The following PRKCQ variants were observed in gnomAD, a reference collection of about 807,000 sequenced individuals.
PRKCQ encodes the protein protein kinase C theta type.
Under a neutral mutation model 91.2 loss-of-function variants are expected in PRKCQ, and 41 were observed. The observed-to-expected ratio is 0.45, with a 90% CI of 0.35 to 0.58. The LOEUF is 0.58. Ranked by LOEUF, PRKCQ falls within the 20% of genes least tolerant of loss-of-function variation. The pLI, the probability that PRKCQ is intolerant of heterozygous loss-of-function variation, is 0.00. For missense variants in PRKCQ, 673 were observed against 896.5 expected (o/e 0.75, Z 3.18); for synonymous variants, 307 against 316.9 (o/e 0.97, Z 0.33).
intron 12 of PRKCQ, among the ~76,000 whole-genome samples, chr10:6,475,432 T>A (rs1836220649): frequency 6.6e-6 from 1 of 152,210 alleles, no homozygotes; most frequent in South Asian, 2.1e-4. Flanking sequence ...CACCCTTCCA[T>A]AGGTGATATA....
At chr10:6,479,912 A>T (rs1175938545) in intron 11 of PRKCQ, among the ~76,000 whole-genome samples, 1 of 151,904 alleles carries the variant, frequency 6.6e-6, no homozygotes, top group African/African-American at 2.4e-5. Context: ...AGATCATGCC[A>T]CTGCACTCCA....
intron 14 of PRKCQ, among the ~76,000 whole-genome samples, chr10:6,460,946 A>C (rs1484258884): frequency 7.7e-6 from 1 of 130,356 alleles, no homozygotes. Context: ...TTGTCCATCC[A>C]TCCATCATCC....
intron 15 of PRKCQ, among the ~76,000 whole-genome samples, chr10:6,445,149 A>AAT (rs71391839): frequency 6.7e-6 from 1 of 148,436 alleles, no homozygotes; most frequent in Middle Eastern, 3.3e-3. Context: ...AAAAAAAAAA[A>AAT]TTCCAGACAT....
At chr10:6,451,481 C>T (rs553107787) in intron 15 of PRKCQ, among the ~76,000 whole-genome samples, 19 of 152,206 alleles carry the variant, frequency 1.2e-4, no homozygotes, top group African/African-American at 3.4e-4. Context: ...GATCCACAGC[C>T]GAATTCTACC....
At chr10:6,482,741 G>A (rs1466572415) in intron 11 of PRKCQ, among the ~76,000 whole-genome samples, 2 of 152,146 alleles carry the variant, frequency 1.3e-5, no homozygotes, top group African/African-American at 4.8e-5. Context: ...CAGCTGGGGA[G>A]GCCTCGCAAT....
At chr10:6,500,517 AT>A (rs1465120536) in intron 4 of PRKCQ, among the ~76,000 whole-genome samples, 3 of 151,636 alleles carry the variant, frequency 2.0e-5, no homozygotes, top group Non-Finnish European at 2.9e-5. Context: ...TAGTACTATA[AT>A]TTTTTTAAAA....
chr10:6,428,152 T>A lies in PRKCQ; in HGVS notation c.*55A>T. The A allele has an allele frequency of 6.2e-7, 1 of 1,608,080 alleles. No individual in the cohort carries two copies. Among genetic ancestry groups the A allele is most frequent in the Non-Finnish European group, 8.5e-7 (1 of 1,175,442 alleles). The stretch of plus-strand genomic sequence containing the variant: ...AAAAAGGAACCCAAGCAGTGTCTCT[T>A]GAACCAGTTCCCAGGGAGAAGGCAA... On this transcript the variant is annotated 3_prime_UTR_variant, in exon 18 of 18. Coordinates refer to ENST00000263125, the MANE Select transcript of PRKCQ (RefSeq NM_006257.5).
At chr10:6,521,949 A>ATTTT (rs1564371854) in intron 1 of PRKCQ, among the ~76,000 whole-genome samples, 5 of 150,416 alleles carry the variant, frequency 3.3e-5, no homozygotes, top group South Asian at 4.2e-4. Flanking sequence ...TTATTTATTT[A>ATTTT]TTTATTTTTT....
intron 1 of PRKCQ, among the ~76,000 whole-genome samples, chr10:6,518,102 C>T (rs1382323068): frequency 6.6e-6 from 1 of 152,134 alleles, no homozygotes; most frequent in Non-Finnish European, 1.5e-5. Flanking sequence ...TGTTCTCCGG[C>T]TTGATTGTTC....
chr10:6,523,355 G>C (rs931436431), intron 1 of PRKCQ, among the ~76,000 whole-genome samples: 3 of 152,150 alleles, frequency 2.0e-5, no homozygotes, highest in Non-Finnish European at 4.4e-5. Flanking sequence ...GGAGGCCAAA[G>C]TGGAAGGATC....
the PRKCQ span, among the ~76,000 whole-genome samples, chr10:6,419,884 TC>T: frequency 6.6e-6 from 1 of 152,148 alleles, no homozygotes. Context: ...AGACGGGGTT[TC>T]GCCATGTTGG....
intron 1 of PRKCQ, among the ~76,000 whole-genome samples, chr10:6,565,282 C>A (rs1840800416): frequency 6.6e-6 from 1 of 152,150 alleles, no homozygotes. Context: ...GAGAAAATAT[C>A]TATAGTATTT....
intron 15 of PRKCQ, among the ~76,000 whole-genome samples, chr10:6,445,290 GTGCTAA>G (rs1834220267): frequency 6.6e-6 from 1 of 152,130 alleles, no homozygotes; most frequent in Non-Finnish European, 1.5e-5. Context: ...AGACAGATCA[GTGCTAA>G]GTGAGGCCCA....
At chr10:6,542,882 T>G (rs1839823074) in intron 1 of PRKCQ, among the ~76,000 whole-genome samples, 1 of 152,244 alleles carries the variant, frequency 6.6e-6, no homozygotes, top group South Asian at 2.1e-4. Context: ...AAGGTCACAT[T>G]CTTTTCATTG....
chr10:6,484,276 C>T lies in PRKCQ; in HGVS notation c.1019-676G>A, dbSNP rs1252388714. On this transcript the variant is annotated intron_variant, in intron 10 of 17. Coordinates refer to ENST00000263125, the MANE Select transcript of PRKCQ (RefSeq NM_006257.5). ...TAAAATACAAAGAATTCGCTGGGTG[C>T]GGTTGTGTGCGCAAGTAGTCCCAGG... Among the ~76,000 whole-genome samples, 8 of 152,050 alleles carry T rather than the reference C, an allele frequency of 5.3e-5. No homozygotes were observed. The South Asian group carries it at 1.0e-3, about 20-fold the overall frequency.
chr10:6,405,762 C>T, the PRKCQ span, among the ~76,000 whole-genome samples: 1 of 152,162 alleles, frequency 6.6e-6, no homozygotes, highest in East Asian at 1.9e-4. Context: ...ATTGCTGCTA[C>T]TGGAAGGGTC....
chr10:6,491,495 G>C (rs1210211182), intron 8 of PRKCQ, among the ~76,000 whole-genome samples, 188 bp downstream of exon 8: 1 of 152,178 alleles, frequency 6.6e-6, no homozygotes, highest in Non-Finnish European at 1.5e-5. Flanking sequence ...GTGGGTGGGG[G>C]TGTTGCAGGG....
intron 12 of PRKCQ, among the ~76,000 whole-genome samples, chr10:6,476,587 T>C (rs959719812): frequency 1.3e-5 from 2 of 152,232 alleles, no homozygotes; most frequent in African/African-American, 4.8e-5. Context: ...AGCATTTACA[T>C]CATCATTTAA....
intron 15 of PRKCQ, among the ~76,000 whole-genome samples, chr10:6,444,140 G>C (rs571213731): frequency 6.6e-6 from 1 of 152,030 alleles, no homozygotes; most frequent in African/African-American, 2.4e-5. Flanking sequence ...GCACAATCTC[G>C]GCTCACTGCA....
Sources: allele counts gnomAD v4.1 joint callset (sites outside exome capture counted in the v4.1 genomes callset), GRCh38; gene constraint gnomAD v4.1.1; transcripts MANE v1.5; gene names NCBI Gene and HGNC (gene_info 2026-07-23, HGNC 2026-07-21).